Variants in PSEN1 observed in about 807,000 individuals in gnomAD.
PSEN1 encodes the protein presenilin-1.
In PSEN1, 15 loss-of-function variants were observed where a neutral mutation model predicts 53.5. That is an observed-to-expected ratio of 0.28 (90% confidence interval 0.19 to 0.43). The LOEUF (loss-of-function observed/expected upper bound fraction) is 0.43. Ranked by LOEUF, PSEN1 falls within the 20% of genes least tolerant of loss-of-function variation. The pLI, the probability that PSEN1 is intolerant of heterozygous loss-of-function variation, is 1.00. For synonymous variants in PSEN1, 208 were observed against 209.8 expected (o/e 0.99, Z 0.08); for missense variants, 387 against 571.2 (o/e 0.68, Z 3.29).
At chr14:73,205,351 C>T (rs562733261) in intron 8 of PSEN1, among the ~76,000 whole-genome samples, 39 of 151,810 alleles carry the variant, frequency 2.6e-4, no homozygotes, top group African/African-American at 8.2e-4. Flanking sequence ...TGGTGGCGGG[C>T]GCCTGTAGTC....
intron 7 of PSEN1, among the ~76,000 whole-genome samples, chr14:73,196,639 A>G (rs1157049073): frequency 6.6e-6 from 1 of 151,388 alleles, no homozygotes; most frequent in African/African-American, 2.4e-5. Flanking sequence ...ATGAGCTGCT[A>G]ATTTTTTGTA....
chr14:73,146,726 GAA>G (rs1425625770), intron 1 of PSEN1, among the ~76,000 whole-genome samples: 1 of 152,136 alleles, frequency 6.6e-6, no homozygotes, highest in Non-Finnish European at 1.5e-5. Flanking sequence ...ATATTTAGAG[GAA>G]AGAGTATCCT....
chr14:73,184,603 C>T (rs7158911), intron 5 of PSEN1, among the ~76,000 whole-genome samples: 177 of 125,860 alleles, frequency 1.4e-3, no homozygotes, highest in African/African-American at 4.9e-3. Flanking sequence ...CGGGCAGAGG[C>T]GCCCCTCACC....
At chr14:73,154,593 C>A (rs1347285606) in intron 3 of PSEN1, among the ~76,000 whole-genome samples, 1 of 151,852 alleles carries the variant, frequency 6.6e-6, no homozygotes, top group East Asian at 1.9e-4. Context: ...AAAGTGAGAC[C>A]CTGCCTCAAA....
At chr14:73,208,988 G>C in intron 9 of PSEN1, 1 of 419,706 alleles carries the variant, frequency 2.4e-6, no homozygotes, top group Non-Finnish European at 4.8e-6. Context: ...GGGGGCCAAG[G>C]TGGCAGGGGG....
intron 8 of PSEN1, among the ~76,000 whole-genome samples, chr14:73,203,223 C>T (rs751246420): frequency 9.9e-5 from 15 of 152,020 alleles, no homozygotes; most frequent in South Asian, 2.1e-4. Flanking sequence ...GGATTACAGA[C>T]GCCTGCCACC....
chr14:73,156,881 C>T (rs1897372483), intron 3 of PSEN1, among the ~76,000 whole-genome samples: 1 of 152,062 alleles, frequency 6.6e-6, no homozygotes, highest in Admixed American at 6.6e-5. Flanking sequence ...CCAGGATGAT[C>T]TCGATCTCCT....
At chr14:73,177,966 C>CT (rs374072714) in intron 5 of PSEN1, among the ~76,000 whole-genome samples, 204 of 146,756 alleles carry the variant, frequency 1.4e-3, no homozygotes, top group African/African-American at 2.5e-3. Flanking sequence ...ATTCTTTACT[C>CT]TTTTTTTTTT....
intron 8 of PSEN1, among the ~76,000 whole-genome samples, chr14:73,203,030 T>C (rs1899296059): frequency 6.6e-6 from 1 of 152,090 alleles, no homozygotes; most frequent in African/African-American, 2.4e-5. Context: ...ATACTAAATG[T>C]CTGGTGAAGA....
At chr14:73,204,549 AG>A (rs1246487122) in intron 8 of PSEN1, among the ~76,000 whole-genome samples, 1 of 151,690 alleles carries the variant, frequency 6.6e-6, no homozygotes, top group Non-Finnish European at 1.5e-5. Context: ...AAAAAGAACA[AG>A]GAAGAATATG....
intron 5 of PSEN1, among the ~76,000 whole-genome samples, chr14:73,184,673 A>G (rs865875388): frequency 0.14 from 2,830 of 20,680 alleles, no homozygotes; most frequent in Middle Eastern, 0.15. Flanking sequence ...TCCCGGACGG[A>G]GCGGCTGGCG....
At chr14:73,216,632 G>A (rs1025251640) in intron 10 of PSEN1, among the ~76,000 whole-genome samples, 31 of 151,904 alleles carry the variant, frequency 2.0e-4, no homozygotes, top group Admixed American at 1.6e-3. Context: ...GGTGGCATGC[G>A]CCTGTAATCC....
chr14:73,197,856 TCCCCCA>T, intron 7 of PSEN1, 169 bp from the exon 8 acceptor site: 1 of 603,054 alleles, frequency 1.7e-6, no homozygotes, highest in Non-Finnish European at 2.9e-6. Context: ...TTATGTTGTC[TCCCCCA>T]CCCCCACCAG....
At chr14:73,202,740 G>A (rs1899281328) in intron 8 of PSEN1, among the ~76,000 whole-genome samples, 1 of 151,412 alleles carries the variant, frequency 6.6e-6, no homozygotes, top group Admixed American at 6.6e-5. Flanking sequence ...CCAAAGTGCT[G>A]GGATTACAGG....
At chr14:73,164,271 C>G (rs538242853) in intron 3 of PSEN1, among the ~76,000 whole-genome samples, 6 of 152,264 alleles carry the variant, frequency 3.9e-5, no homozygotes, top group African/African-American at 1.4e-4. Context: ...TAGGAGAGGT[C>G]AGAGATGGAG....
Position 73,222,617 on chromosome 14 carries a change from C to G in PSEN1, c.*3328C>G, listed in dbSNP as rs181726819. 52 of 152,298 alleles carry G rather than the reference C, an allele frequency of 3.4e-4. No individual in the cohort carries two copies. The highest frequency in any genetic ancestry group is 1.2e-3 in the African/African-American group (49 of 41,568). 9.4% of individuals were successfully genotyped at this position (152,298 alleles called of 1,614,324 possible). On this transcript the variant is annotated 3_prime_UTR_variant, in exon 12 of 12. Transcript: ENST00000324501. ...AGTGTTTTCTGTGTTCCCGTAGGTTCTGGAGTCTGAGGATGCAAAGATGAA... is the reference window on the plus strand; with the variant it reads ...AGTGTTTTCTGTGTTCCCGTAGGTTGTGGAGTCTGAGGATGCAAAGATGAA...
At chr14:73,157,854 C>T (rs932455494) in intron 3 of PSEN1, among the ~76,000 whole-genome samples, 20 of 151,966 alleles carry the variant, frequency 1.3e-4, no homozygotes, top group Non-Finnish European at 1.2e-4. Flanking sequence ...GGGGTGGTGG[C>T]GTGCACCTGT....
At chr14:73,167,070 G>A (rs944261345) in intron 3 of PSEN1, among the ~76,000 whole-genome samples, 1 of 151,944 alleles carries the variant, frequency 6.6e-6, no homozygotes, top group Non-Finnish European at 1.5e-5. Flanking sequence ...TTTCATTGTT[G>A]TTGTTGTTTT....
At chr14:73,179,230 A>G (rs2333030) in intron 5 of PSEN1, among the ~76,000 whole-genome samples, 5,967 of 152,284 alleles carry the variant, frequency 0.039, 325 homozygotes, top group African/African-American at 0.12. Flanking sequence ...CAGTCAGAGT[A>G]AGGATTCCCT....
Sources: gnomAD v4.1 joint callset for allele counts (sites outside exome capture counted in the v4.1 genomes callset) on GRCh38, gnomAD v4.1.1 for gene constraint, MANE v1.5 for transcripts, NCBI Gene and HGNC (gene_info 2026-07-23, HGNC 2026-07-21) for gene names.